Variants in ANK1 observed in about 807,000 individuals in gnomAD.
ANK1 encodes the protein ankyrin 1.
In ANK1, 51 loss-of-function variants were observed where a neutral mutation model predicts 210.4. The observed-to-expected ratio is 0.24, with a 90% CI of 0.19 to 0.31. The LOEUF (loss-of-function observed/expected upper bound fraction) is 0.31. Ranked by LOEUF, ANK1 falls within the 10% of genes least tolerant of loss-of-function variation. The pLI is 1.00. For synonymous variants in ANK1, 967 were observed against 1,025.9 expected, an observed-to-expected ratio of 0.94 and a Z score of 1.10; for missense variants, 2,051 against 2,504.4, an observed-to-expected ratio of 0.82 and a Z score of 3.86.
At chr8:41,688,416 C>T (rs1818290850) in intron 34 of ANK1, 95 bp downstream of exon 34, 1 of 1,502,724 alleles carries the variant, frequency 6.7e-7, no homozygotes, top group African/African-American at 1.4e-5. Flanking sequence ...GCGAGCGGCA[C>T]CTCAGCAGAA....
At chr8:41,708,452 A>T (rs545751628) in intron 17 of ANK1, among the ~76,000 whole-genome samples, 1 of 152,304 alleles carries the variant, frequency 6.6e-6, no homozygotes, top group South Asian at 2.1e-4. Context: ...TGCACTCCTG[A>T]AGGTAGGCAC....
intron 1 of ANK1, among the ~76,000 whole-genome samples, chr8:41,890,719 AAAAAAAG>A (rs1389095532): frequency 4.7e-4 from 72 of 151,814 alleles, no homozygotes; most frequent in Non-Finnish European, 7.9e-4. Flanking sequence ...AAAAAAAAAA[AAAAAAAG>A]AAAAAAGAAA....
intron 3 of ANK1, among the ~76,000 whole-genome samples, chr8:41,730,999 G>C (rs980792198): frequency 1.3e-5 from 2 of 152,214 alleles, no homozygotes; most frequent in Non-Finnish European, 2.9e-5. Flanking sequence ...ACCCTGTTTT[G>C]GGGAGCTCAT....
At chr8:41,762,318 G>C (rs1840670505) in intron 1 of ANK1, among the ~76,000 whole-genome samples, 1 of 152,034 alleles carries the variant, frequency 6.6e-6, no homozygotes, top group African/African-American at 2.4e-5. Flanking sequence ...ACTATGCTTA[G>C]ACACTCAGTA....
At chr8:41,882,607 A>AAACT (rs1204712983) in intron 1 of ANK1, among the ~76,000 whole-genome samples, 5 of 152,222 alleles carry the variant, frequency 3.3e-5, no homozygotes, top group African/African-American at 1.2e-4. Flanking sequence ...GAGTCCTTGG[A>AAACT]AACTCAGAAA....
At chr8:41,671,174 G>A (rs1446956082) in intron 38 of ANK1, among the ~76,000 whole-genome samples, 2 of 152,170 alleles carry the variant, frequency 1.3e-5, no homozygotes, top group Non-Finnish European at 2.9e-5. Context: ...ACAGGGCGGG[G>A]GCTTCTCAGT....
rs1820560134 is a variant in ANK1 at position 41,896,502 on chromosome 8, C to A, written c.-22G>T. 1.9e-6 allele frequency: 3 copies of A among 1,581,896 alleles called. No homozygotes were observed. The African/African-American group carries it at 4.1e-5, about 22-fold the overall frequency. ...CCATGGCGGGTCACGGCGCTCCCGT[C>A]CCCGCCTCCTGGACCCCTAGCGCTC... On this transcript the variant is annotated 5_prime_UTR_variant, in exon 1 of 43. Coordinates refer to the ANK1 transcript ENST00000265709.
At chr8:41,832,707 C>T (rs760730157) in intron 1 of ANK1, among the ~76,000 whole-genome samples, 1 of 152,118 alleles carries the variant, frequency 6.6e-6, no homozygotes, top group African/African-American at 2.4e-5. Context: ...CAGAGGGTTC[C>T]CAGAGGAAAT....
chr8:41,668,041 C>G (rs1417089586), intron 39 of ANK1, among the ~76,000 whole-genome samples: 1 of 152,256 alleles, frequency 6.6e-6, no homozygotes, highest in East Asian at 1.9e-4. Context: ...CTCAGCCACT[C>G]TGATCAGCAG....
chr8:41,732,969 C>T (rs1265632113), intron 3 of ANK1, among the ~76,000 whole-genome samples: 2 of 152,030 alleles, frequency 1.3e-5, no homozygotes, highest in Non-Finnish European at 2.9e-5. Flanking sequence ...AACTCCTGAC[C>T]TCAAGTGATC....
intron 1 of ANK1, among the ~76,000 whole-genome samples, chr8:41,857,090 G>T (rs1812333227): frequency 6.6e-6 from 1 of 151,518 alleles, no homozygotes; most frequent in African/African-American, 2.4e-5. Flanking sequence ...TGTTGGTCAG[G>T]CTGGTCTCAA....
At chr8:41,865,723 C>T (rs1030814019) in intron 1 of ANK1, among the ~76,000 whole-genome samples, 9 of 152,134 alleles carry the variant, frequency 5.9e-5, no homozygotes, top group African/African-American at 7.2e-5. Context: ...CCTCCTCCCC[C>T]CAGCAGTCCC....
chr8:41,858,311 G>A (rs1360856595), intron 1 of ANK1, among the ~76,000 whole-genome samples: 6 of 146,042 alleles, frequency 4.1e-5, no homozygotes, highest in African/African-American at 1.3e-4. Context: ...TTGCATCACC[G>A]CAATCCAGCC....
intron 13 of ANK1, among the ~76,000 whole-genome samples, chr8:41,716,106 C>G (rs918423340): frequency 6.6e-6 from 1 of 152,214 alleles, no homozygotes; most frequent in African/African-American, 2.4e-5. Context: ...GCCCAGCCCT[C>G]CCATCTGTAA....
Position 41,655,771 on chromosome 8 carries a change from A to G in ANK1, c.*37-18T>C, listed in dbSNP as rs375080652. 1.2e-5 allele frequency: 20 copies of G among 1,613,684 alleles called. No homozygotes were observed. The highest frequency in any genetic ancestry group is 1.6e-5 in the Non-Finnish European group (19 of 1,179,664). On this transcript the variant is annotated intron_variant, in intron 42 of 42. Coordinates refer to ENST00000289734, the MANE Select transcript of ANK1 (RefSeq NM_000037.4). ...GTGTGATCCTGGGAGACACAAAGAGAGAAGGAGTCACTTAGAATGCAAAAG... is the reference window on the plus strand; with the variant it reads ...GTGTGATCCTGGGAGACACAAAGAGGGAAGGAGTCACTTAGAATGCAAAAG...
upstream of ANK1, among the ~76,000 whole-genome samples, chr8:41,802,121 C>T (rs1308272720): frequency 6.6e-6 from 1 of 152,204 alleles, no homozygotes; most frequent in Non-Finnish European, 1.5e-5. Flanking sequence ...TCCCGAATAG[C>T]TGGGACTACA....
At position 41,704,500 on chromosome 8, in the gene ANK1, G is replaced by T; in HGVS notation, c.2098-28C>A. ...GAAAAGCAGATGAGAAGGAGTGACC[G>T]GAGCTGTCCTGAGCTGGGCATCACA... On this transcript the variant is annotated intron_variant, in intron 18 of 42. Transcript: ENST00000289734. The surrounding 1 kb of genome is among the most constrained non-coding windows in gnomAD (Gnocchi z 4.1). The T allele has an allele frequency of 6.3e-7, 1 of 1,586,088 alleles. No homozygotes were observed.
chr8:41,772,388 A>G (rs1432577477), intron 1 of ANK1, among the ~76,000 whole-genome samples: 1 of 152,188 alleles, frequency 6.6e-6, no homozygotes, highest in Non-Finnish European at 1.5e-5. Context: ...CTTCTGGCAC[A>G]TTTGGTAAGT....
intron 1 of ANK1, among the ~76,000 whole-genome samples, chr8:41,764,702 A>G (rs1409533434): frequency 2.6e-5 from 4 of 152,106 alleles, no homozygotes; most frequent in African/African-American, 9.7e-5. Context: ...TTTTAATCTA[A>G]TTCTACCTGT....
Sources: allele counts gnomAD v4.1 joint callset (sites outside exome capture counted in the v4.1 genomes callset), GRCh38; gene constraint gnomAD v4.1.1; non-coding constraint Gnocchi (gnomAD v3.1); transcripts MANE v1.5; gene names NCBI Gene and HGNC (gene_info 2026-07-23, HGNC 2026-07-21).